Variants in SDHA observed in about 807,000 individuals in gnomAD.
The protein encoded by SDHA is succinate dehydrogenase [ubiquinone] flavoprotein subunit, mitochondrial.
Under a neutral mutation model 78.4 loss-of-function variants are expected in SDHA, and 48 were observed. The observed-to-expected ratio is 0.61, with a 90% CI of 0.49 to 0.78. SDHA has a LOEUF of 0.78. Among genes scored for constraint, SDHA ranks in the 30% least tolerant of loss-of-function variants. The probability of loss-of-function intolerance (pLI) is 0.00; values close to 1 mark genes in which losing one functional copy is unlikely to be tolerated. For synonymous variants in SDHA, 326 were observed against 353.9 expected, an observed-to-expected ratio of 0.92 and a Z score of 0.88; for missense variants, 680 against 892.7, an observed-to-expected ratio of 0.76 and a Z score of 3.04.
intron 10 of SDHA, among the ~76,000 whole-genome samples, chr5:237,978 C>G (rs1735887806): frequency 1.5e-5 from 2 of 136,044 alleles, no homozygotes; most frequent in Admixed American, 7.1e-5. Context: ...TAGCCCTGCA[C>G]TTTGTCGCAG....
At chr5:259,344 CAGAGCATT>C (rs1737397724), downstream of SDHA, among the ~76,000 whole-genome samples, 2 of 60,190 alleles carry the variant, frequency 3.3e-5, no homozygotes, top group African/African-American at 2.3e-4. Context: ...CGCCCCCCGC[CAGAGCATT>C]ACCGTGTGAG....
intron 9 of SDHA, 179 bp from the exon 10 acceptor site, chr5:236,249 C>A (rs1010568789): frequency 3.0e-6 from 2 of 676,508 alleles, no homozygotes; most frequent in African/African-American, 3.5e-5. Context: ...GGTCTTGAAC[C>A]CCTGACCTCA....
rs376530094 is a variant in SDHA, at chr5:235,312, C to T, written c.1233C>T (p.Gly411=). The T allele has an allele frequency of 2.1e-5, 34 of 1,614,180 alleles. No homozygotes were observed. In the Middle Eastern group the frequency reaches 1.3e-3, roughly 63 times the overall value. Residue 411 remains glycine (G), a synonymous_variant, in exon 9 of 15, where the codon GGC becomes GGT. Transcript: ENST00000264932. ...TCCCCACCGTGCATTATAACATGGG[C>T]GGCATTCCCACCAACTACAAGGGGC... ...PVLPTVHYNM[G]GIPTNYKGQV... is the part of the protein sequence containing the mutation.
chr5:254,804 G>A (rs2126642433), intron 14 of SDHA, among the ~76,000 whole-genome samples: 1 of 152,174 alleles, frequency 6.6e-6, no homozygotes, highest in East Asian at 1.9e-4. Flanking sequence ...TAGGGGAGGA[G>A]ATGATGATTG....
intron 9 of SDHA, chr5:236,193 T>A (rs1349085716): frequency 5.5e-6 from 3 of 542,536 alleles, no homozygotes; most frequent in South Asian, 2.0e-5. Context: ...CCCCGCTAAT[T>A]TTTGTATTTT....
chr5:225,571 C>T lies in SDHA; in HGVS notation c.456+9C>T, dbSNP rs200565489. 5.0e-5 allele frequency: 80 copies of T among 1,613,726 alleles called. No homozygotes were observed. The East Asian group carries it at 7.8e-4, about 16-fold the overall frequency. On this transcript the variant is annotated intron_variant, in intron 4 of 14. Transcript: ENST00000264932. ...CCGCCGCCGTGGTCGAGGTGATGGG[C>T]GGGAGGCTCTGGGTGTTCTCGTGGT... is the stretch of plus-strand genomic sequence containing the variant.
chr5:250,820 A>T (rs1463971708), intron 11 of SDHA, 172 bp from the exon 12 acceptor site: 1 of 653,864 alleles, frequency 1.5e-6, no homozygotes, highest in South Asian at 1.8e-5. Context: ...TTTAGTCAAA[A>T]CTTCATTTTT....
rs1282623859 is a variant in SDHA at position 256,359 on chromosome 5, T to C, written c.1934T>C (p.Ile645Thr). ...GKVTLEYRPV[I>T]DKTLNEADCA... The stretch of plus-strand genomic sequence containing the variant: ...GTCACTCTGGAATATAGACCCGTGA[T>C]CGACAAAACTTTGAACGAGGCTGAC... Residue 645 changes from isoleucine to threonine, a missense_variant, in exon 15 of 15, where the codon ATC becomes ACC. By Grantham distance (89) the Ile-to-Thr change is moderately conservative. Transcript: ENST00000264932. The C allele has an allele frequency of 9.9e-6, 16 of 1,613,794 alleles. No homozygotes were observed. The African/African-American group carries it at 1.9e-4, about 19-fold the overall frequency.
chr5:234,962 G>C (rs1039176291), intron 8 of SDHA, 182 bp from the exon 9 acceptor site: 16 of 682,042 alleles, frequency 2.3e-5, no homozygotes, highest in Non-Finnish European at 4.3e-5. Flanking sequence ...CCAGCACCTG[G>C]GATTGTCCCT....
intron 10 of SDHA, among the ~76,000 whole-genome samples, chr5:237,334 C>T (rs185562675): frequency 7.4e-6 from 1 of 134,772 alleles, no homozygotes; most frequent in Non-Finnish European, 1.5e-5. Flanking sequence ...AAACAAAGTA[C>T]AGCTAGCCTC....
chr5:259,980 CCGCCAGAGCATTA>C (rs2126655163), downstream of SDHA, among the ~76,000 whole-genome samples: 3 of 59,850 alleles, frequency 5.0e-5, no homozygotes, highest in African/African-American at 3.8e-4. Flanking sequence ...GCTCCGCCTC[CCGCCAGAGCATTA>C]CCGTGTGAGC....
chr5:233,997 G>C (rs1735594197), intron 8 of SDHA: 1 of 325,062 alleles, frequency 3.1e-6, no homozygotes, highest in Admixed American at 4.6e-5. Flanking sequence ...CAAAGTGTGT[G>C]GGTTATTTGG....
intron 5 of SDHA, among the ~76,000 whole-genome samples, chr5:227,416 G>A (rs972809901): frequency 3.3e-5 from 5 of 152,184 alleles, no homozygotes; most frequent in African/African-American, 9.6e-5. Context: ...TATTCTGAAC[G>A]GTATTGATTC....
At chr5:247,060 C>T (rs191773325) in intron 11 of SDHA, among the ~76,000 whole-genome samples, 1 of 152,292 alleles carries the variant, frequency 6.6e-6, no homozygotes, top group East Asian at 1.9e-4. Flanking sequence ...AATGAAGATG[C>T]AGAGAATGTT....
chr5:230,377 G>A (rs55951431), intron 6 of SDHA, among the ~76,000 whole-genome samples: 36,498 of 151,796 alleles, frequency 0.24, 6,822 homozygotes, highest in African/African-American at 0.53. Context: ...CTGTAATCCC[G>A]GCACTTTGGG....
At chr5:231,636 A>G (rs953549561) in intron 7 of SDHA, among the ~76,000 whole-genome samples, 5 of 151,786 alleles carry the variant, frequency 3.3e-5, no homozygotes, top group Non-Finnish European at 7.4e-5. Flanking sequence ...CTCCTCGGGC[A>G]GGCAGGTCTT....
At chr5:253,623 TG>T (rs1320596418) in intron 13 of SDHA, among the ~76,000 whole-genome samples, 2 of 151,938 alleles carry the variant, frequency 1.3e-5, no homozygotes, top group Non-Finnish European at 2.9e-5. Context: ...TCAGTAGAGA[TG>T]GGGTTTCACC....
At chr5:258,354 C>T (rs187107803), downstream of SDHA, among the ~76,000 whole-genome samples, 5 of 103,150 alleles carry the variant, frequency 4.8e-5, no homozygotes, top group East Asian at 6.6e-4. Flanking sequence ...GTGTGAGCTC[C>T]TCCTCCTGTC....
chr5:222,022 A>G (rs540726516), intron 1 of SDHA, among the ~76,000 whole-genome samples: 2 of 152,052 alleles, frequency 1.3e-5, no homozygotes, highest in South Asian at 2.1e-4. Context: ...TGCTATTACT[A>G]TGTTAATAGG....
Sources: allele counts gnomAD v4.1 joint callset (sites outside exome capture counted in the v4.1 genomes callset), GRCh38; gene constraint gnomAD v4.1.1; transcripts MANE v1.5; gene names NCBI Gene and HGNC (gene_info 2026-07-23, HGNC 2026-07-21).